Variants in NPR3 observed in about 807,000 individuals in gnomAD.
NPR3 encodes the protein natriuretic peptide receptor 3.
NPR3 carries 34 observed loss-of-function variants against 54.5 expected under a neutral mutation model. That is an observed-to-expected ratio of 0.62 (90% CI 0.47 to 0.83). NPR3 has a LOEUF of 0.83. Among genes scored for constraint, NPR3 ranks in the 40% least tolerant of loss-of-function variants. The pLI is 0.00. For synonymous variants in NPR3, 289 were observed against 297.1 expected (o/e 0.97, Z 0.28); for missense variants, 674 against 720.8 (o/e 0.94, Z 0.74).
chr5:32,696,187 T>C (rs574650592), intron 1 of NPR3, among the ~76,000 whole-genome samples: 4 of 152,256 alleles, frequency 2.6e-5, no homozygotes, highest in African/African-American at 7.2e-5. Context: ...TAATGAGAGA[T>C]AGGGTTTTAG....
At position 32,712,487 on chromosome 5, in the gene NPR3, C is replaced by G. The variant is rs1488734319; in HGVS notation, c.711C>G (p.Asp237Glu). 1.3e-6 allele frequency: 2 copies of G among 1,574,124 alleles called. No individual in the cohort carries two copies. The highest frequency in any genetic ancestry group is 1.7e-6 in the Non-Finnish European group (2 of 1,161,966). The change falls in exon 1 of 8, where the codon GAC (aspartate) becomes GAG (glutamate). Residue 237 changes from aspartate to glutamate, a missense_variant. Transcript: ENST00000265074. ...EGLHTSIYSF[D>E]ETKDLDLEDI... ...TGCACACGTCCATCTACAGTTTCGA[C>G]GAGACCAAAGACTTGGATCTGGAAG...
chr5:32,740,240 G>A (rs10066436), intron 3 of NPR3, among the ~76,000 whole-genome samples: 2 of 152,162 alleles, frequency 1.3e-5, no homozygotes, highest in South Asian at 4.1e-4. Context: ...CTGAGCTGTG[G>A]GATCTTGGAA....
chr5:32,750,820 A>G (rs765719815), intron 3 of NPR3, among the ~76,000 whole-genome samples: 1 of 152,176 alleles, frequency 6.6e-6, no homozygotes, highest in Non-Finnish European at 1.5e-5. Context: ...ACCCTTGTGG[A>G]CATACCTGAC....
At chr5:32,752,208 CAAAA>C (rs1561109922) in intron 3 of NPR3, among the ~76,000 whole-genome samples, 377 of 52,254 alleles carry the variant, frequency 7.2e-3, no homozygotes, top group Middle Eastern at 0.047. Flanking sequence ...CCTCCACCTC[CAAAA>C]ACAAAAACAA....
Position 32,789,264 on chromosome 5 carries a change from C to T in NPR3, c.*2919C>T. On this transcript the variant is annotated 3_prime_UTR_variant, in exon 8 of 8. Transcript: ENST00000265074. Reference sequence around the variant, plus strand: ...AAATAAGTGTCTGTCTTATGGTCATCATTGTCTTCTTAGATTTTTGGGTAG... The same window carrying T: ...AAATAAGTGTCTGTCTTATGGTCATTATTGTCTTCTTAGATTTTTGGGTAG... 2 of 410,430 alleles carry T rather than the reference C, an allele frequency of 4.9e-6. No homozygotes were observed. Among genetic ancestry groups the T allele is most frequent in the Non-Finnish European group, 9.8e-6 (2 of 204,930 alleles). The allele number at this position is 410,430 out of a possible 1,614,324, so 25.4% of individuals were successfully genotyped here. A position where few individuals can be genotyped will look rare whatever the true frequency, so the allele number is the denominator to read the frequency against.
chr5:32,735,583 C>T (rs1424126237), intron 2 of NPR3, among the ~76,000 whole-genome samples: 5 of 152,044 alleles, frequency 3.3e-5, no homozygotes, highest in Non-Finnish European at 7.4e-5. Flanking sequence ...CTTCCCTAAC[C>T]TCTTGCCTGG....
chr5:32,756,821 T>C (rs1264687588), intron 3 of NPR3, among the ~76,000 whole-genome samples: 1 of 152,252 alleles, frequency 6.6e-6, no homozygotes, highest in Non-Finnish European at 1.5e-5. Flanking sequence ...TTTCTACATA[T>C]GGCTAGCCAG....
chr5:32,724,929 A>T, intron 2 of NPR3, 109 bp downstream of exon 2: 1 of 1,178,834 alleles, frequency 8.5e-7, no homozygotes, highest in Non-Finnish European at 1.2e-6. Context: ...AACACCATGG[A>T]ATACTATGCA....
Position 32,784,902 on chromosome 5 carries a change from G to A in NPR3, c.1514+19G>A. ...TTTTCAGGTGAGGACGGTTTGTAAA[G>A]GTACAATTCACTCTCTTCTGCTGTC... On this transcript the variant is annotated intron_variant, in intron 7 of 7. Coordinates refer to ENST00000265074, the MANE Select transcript of NPR3 (RefSeq NM_001204375.2). 1 of 1,552,696 alleles carries A rather than the reference G, an allele frequency of 6.4e-7. No individual in the cohort carries two copies. The highest frequency in any genetic ancestry group is 8.9e-7 in the Non-Finnish European group (1 of 1,124,208).
upstream of NPR3, among the ~76,000 whole-genome samples, chr5:32,708,716 G>T (rs1044386930): frequency 4.6e-5 from 7 of 152,158 alleles, no homozygotes; most frequent in African/African-American, 1.7e-4. Context: ...CAAACTTTCA[G>T]TTGGTTGCAA....
At chr5:32,743,494 C>T (rs960330247) in intron 3 of NPR3, among the ~76,000 whole-genome samples, 6 of 152,134 alleles carry the variant, frequency 3.9e-5, no homozygotes, top group African/African-American at 1.4e-4. Flanking sequence ...TTGTGATACT[C>T]AGTTTTTCTT....
At chr5:32,722,673 T>C (rs537528596) in intron 1 of NPR3, among the ~76,000 whole-genome samples, 2 of 152,288 alleles carry the variant, frequency 1.3e-5, no homozygotes, top group Non-Finnish European at 2.9e-5. Flanking sequence ...ACTCTTGGAA[T>C]CCACATTCTT....
In NPR3 at chr5:32,711,671, GGGGC is replaced by G; in HGVS notation, c.-104_-101del. 7.6e-7 allele frequency: 1 copy of G among 1,317,434 alleles called. No homozygotes were observed. Among genetic ancestry groups the G allele is most frequent in the Non-Finnish European group, 9.6e-7 (1 of 1,036,920 alleles). 81.6% of individuals were successfully genotyped at this position (1,317,434 alleles called of 1,614,324 possible). A position where few individuals can be genotyped will look rare whatever the true frequency, so the allele number is the denominator to read the frequency against. ...ATTCTATTTTGTTAAAGCGCCCAAG[GGGGC>G]GCAGGGACCTTGGAGAGAAGAGTGG... On this transcript the variant is annotated 5_prime_UTR_variant, in exon 1 of 8. Coordinates refer to ENST00000265074, the MANE Select transcript of NPR3 (RefSeq NM_001204375.2).
chr5:32,697,281 C>G (rs967508606), intron 1 of NPR3, among the ~76,000 whole-genome samples: 1 of 151,954 alleles, frequency 6.6e-6, no homozygotes, highest in African/African-American at 2.4e-5. Flanking sequence ...ATGTATTACA[C>G]TGATTGATTT....
intron 2 of NPR3, among the ~76,000 whole-genome samples, chr5:32,731,354 G>C (rs532652245): frequency 4.6e-5 from 7 of 152,232 alleles, no homozygotes; most frequent in Admixed American, 4.6e-4. Flanking sequence ...TTCTGCCTGA[G>C]AGGCTCTGCC....
intron 3 of NPR3, among the ~76,000 whole-genome samples, chr5:32,746,537 A>T (rs933307569): frequency 1.1e-4 from 16 of 152,208 alleles, no homozygotes; most frequent in African/African-American, 2.2e-4. Context: ...AAAGACCTAA[A>T]TGCTTAAATG....
At chr5:32,702,428 G>A (rs1466434360) in intron 1 of NPR3, among the ~76,000 whole-genome samples, 1 of 104,332 alleles carries the variant, frequency 9.6e-6, no homozygotes, top group Non-Finnish European at 1.8e-5. Context: ...CCCCACAACA[G>A]TCCCCAGAGT....
chr5:32,745,854 G>C (rs1740268754), intron 3 of NPR3, among the ~76,000 whole-genome samples: 1 of 152,092 alleles, frequency 6.6e-6, no homozygotes, highest in Non-Finnish European at 1.5e-5. Flanking sequence ...TTGATAATCA[G>C]ATGCTGTTTA....
At chr5:32,728,835 GTGTATATA>G (rs1426348550) in intron 2 of NPR3, among the ~76,000 whole-genome samples, 264 of 60,606 alleles carry the variant, frequency 4.4e-3, no homozygotes, top group East Asian at 0.016. Flanking sequence ...GTGTGTGTGT[GTGTATATA>G]TATATATATA....
Sources: gnomAD v4.1 joint callset for allele counts (sites outside exome capture counted in the v4.1 genomes callset) on GRCh38, gnomAD v4.1.1 for gene constraint, MANE v1.5 for transcripts, NCBI Gene and HGNC (gene_info 2026-07-23, HGNC 2026-07-21) for gene names.